The following LANCL3 variants were observed in gnomAD, a reference collection of about 807,000 sequenced individuals.
The protein encoded by LANCL3 is LanC like family member 3.
Under a neutral mutation model 26.5 loss-of-function variants are expected in LANCL3, and 19 were observed. The ratio of observed to expected loss-of-function variants is 0.72; its 90% CI spans 0.50 to 1.05. The LOEUF is 1.05. Ranked by LOEUF, LANCL3 falls within the 50% of genes least tolerant of loss-of-function variation. LANCL3 has a pLI of 0.00. For synonymous variants in LANCL3, 160 were observed against 166.6 expected, an observed-to-expected ratio of 0.96 and a Z score of 0.30; for missense variants, 318 against 362.7, an observed-to-expected ratio of 0.88 and a Z score of 1.00.
intron 1 of LANCL3, among the ~76,000 whole-genome samples, chrX:37,602,867 T>C (rs1226634385): frequency 1.8e-5 from 2 of 112,030 alleles, no homozygotes; most frequent in Non-Finnish European, 3.8e-5. Context: ...GGTGATTGCC[T>C]TGTTTAATCC....
At chrX:37,609,953 A>G (rs1278605172) in intron 1 of LANCL3, among the ~76,000 whole-genome samples, 4 of 112,449 alleles carry the variant, frequency 3.6e-5, no homozygotes, top group Non-Finnish European at 5.6e-5. Flanking sequence ...TGGGAAACCA[A>G]GAGGTATCAG....
intron 2 of LANCL3, among the ~76,000 whole-genome samples, chrX:37,658,295 G>A (rs914277816): frequency 8.9e-6 from 1 of 112,040 alleles, no homozygotes; most frequent in Admixed American, 9.5e-5. Flanking sequence ...ATGATTTATT[G>A]TAAGGAATTG....
rs1208927679 is a variant in LANCL3 at position 37,680,905 on chromosome X, C to T, written c.*5092C>T. On this transcript the variant is annotated 3_prime_UTR_variant, in exon 5 of 5. Coordinates refer to ENST00000378619, the MANE Select transcript of LANCL3 (RefSeq NM_001170331.2). ...AGACTGACTTAAGGAGAGTCAATAT[C>T]GCATATGAATCAAAAGCCAACATTT... 6.3e-5 allele frequency: 7 copies of T among 111,403 alleles called. No individual in the cohort carries two copies. Among genetic ancestry groups the T allele is most frequent in the African/African-American group, 1.6e-4 (5 of 30,635 alleles). The allele number at this position is 111,403 out of a possible 1,213,427, so 9.2% of individuals were successfully genotyped here. A position where few individuals can be genotyped will look rare whatever the true frequency, so the allele number is the denominator to read the frequency against.
rs1556434238 is a variant in LANCL3, at chrX:37,667,267, T to C, written c.896-15T>C. The stretch of plus-strand genomic sequence containing the variant: ...GTCCTGAAAGTCACCTCTAATATCT[T>C]TGATGTTTTCACAGGAATTGCCTAT... On this transcript the variant is annotated splice_polypyrimidine_tract_variant and intron_variant, in intron 3 of 4. Coordinates refer to ENST00000378619, the MANE Select transcript of LANCL3 (RefSeq NM_001170331.2). The C allele has an allele frequency of 9.4e-7, 1 of 1,065,245 alleles. No individual in the cohort carries two copies. The highest frequency in any genetic ancestry group is 1.9e-5 in the African/African-American group (1 of 51,524). 87.8% of individuals were successfully genotyped at this position (1,065,245 alleles called of 1,213,427 possible).
At chrX:37,581,161 A>G (rs1185543279) in intron 1 of LANCL3, among the ~76,000 whole-genome samples, 1 of 111,859 alleles carries the variant, frequency 8.9e-6, no homozygotes, top group Non-Finnish European at 1.9e-5. Context: ...CCCCAATTTT[A>G]TGGGGTTGCC....
intron 1 of LANCL3, among the ~76,000 whole-genome samples, chrX:37,629,530 A>G (rs1290984503): frequency 1.9e-5 from 2 of 104,124 alleles, no homozygotes; most frequent in African/African-American, 7.3e-5. Flanking sequence ...GCCCATGCCT[A>G]TGTCCTGAAT....
intron 1 of LANCL3, among the ~76,000 whole-genome samples, chrX:37,594,201 G>C (rs1199692275): frequency 8.9e-6 from 1 of 111,859 alleles, no homozygotes; most frequent in African/African-American, 3.2e-5. Context: ...TTTCATGGCA[G>C]TGACTCTAAG....
intron 1 of LANCL3, among the ~76,000 whole-genome samples, chrX:37,604,447 C>T (rs926925105): frequency 3.6e-5 from 4 of 112,113 alleles, no homozygotes; most frequent in Admixed American, 9.5e-5. Context: ...GCGTAACAAA[C>T]GACCTCAAAA....
At chrX:37,572,585 C>G in intron 1 of LANCL3, 142 bp downstream of exon 1, 2 of 489,975 alleles carry the variant, frequency 4.1e-6, no homozygotes, top group Non-Finnish European at 6.8e-6. Context: ...TTTCTTCAGT[C>G]CCTTGAGGTC....
chrX:37,652,080 T>C (rs1468758059), intron 1 of LANCL3, among the ~76,000 whole-genome samples: 2 of 110,351 alleles, frequency 1.8e-5, no homozygotes, highest in East Asian at 5.6e-4. Flanking sequence ...GGAATTTGAT[T>C]GGCATTGTAT....
rs781972201 is a variant in LANCL3 at position 37,667,409 on chromosome X, T to C, written c.1023T>C (p.His341=). ...GLLKKGPGIC[H]GVAGSAYVFL... The stretch of plus-strand genomic sequence containing the variant: ...TAAAGAAGGGGCCTGGGATTTGCCA[T>C]GGAGTAGCCGGCAGTGCCTATGTCT... Residue 341 remains histidine, a synonymous_variant, in exon 4 of 5, where the codon CAT becomes CAC. Transcript: ENST00000378619. 8.3e-7 allele frequency: 1 copy of C among 1,202,371 alleles called. No individual in the cohort carries two copies. The highest frequency in any genetic ancestry group is 1.1e-6 in the Non-Finnish European group (1 of 891,385).
chrX:37,622,764 A>T (rs1298962896), intron 1 of LANCL3, among the ~76,000 whole-genome samples: 1 of 111,678 alleles, frequency 9.0e-6, no homozygotes. Context: ...CCCCACCTGG[A>T]TGTTCTTACT....
intron 3 of LANCL3, among the ~76,000 whole-genome samples, chrX:37,665,499 C>T (rs1285483177): frequency 8.9e-6 from 1 of 112,343 alleles, no homozygotes. Context: ...TTCCACCTTT[C>T]TGATTCTGCT....
At chrX:37,599,017 T>G (rs1556419765) in intron 1 of LANCL3, among the ~76,000 whole-genome samples, 1 of 112,253 alleles carries the variant, frequency 8.9e-6, no homozygotes, top group Non-Finnish European at 1.9e-5. Context: ...ATTGATAAAA[T>G]TATGTAGTTT....
intron 1 of LANCL3, among the ~76,000 whole-genome samples, chrX:37,625,919 A>G (rs959899180): frequency 1.8e-5 from 2 of 111,549 alleles, no homozygotes; most frequent in Non-Finnish European, 3.8e-5. Context: ...TTCAGGCTGT[A>G]TGCAGGGTTC....
chrX:37,672,337 A>G (rs1556436422), intron 4 of LANCL3, among the ~76,000 whole-genome samples: 2 of 111,737 alleles, frequency 1.8e-5, no homozygotes, highest in African/African-American at 3.3e-5. Context: ...CAGGTAGAAG[A>G]CTGGAAATGT....
chrX:37,594,494 G>A (rs1399298037), intron 1 of LANCL3, among the ~76,000 whole-genome samples: 1 of 111,799 alleles, frequency 8.9e-6, no homozygotes, highest in African/African-American at 3.2e-5. Flanking sequence ...CAACCAGTGG[G>A]GAATCTAACA....
chrX:37,661,539 C>T (rs1926423273), intron 3 of LANCL3, among the ~76,000 whole-genome samples: 1 of 110,507 alleles, frequency 9.0e-6, no homozygotes, highest in African/African-American at 3.3e-5. Context: ...AACCCCTATC[C>T]CCACCTCAAG....
intron 1 of LANCL3, among the ~76,000 whole-genome samples, chrX:37,642,862 T>G (rs919190091): frequency 2.7e-5 from 3 of 112,475 alleles, no homozygotes; most frequent in Non-Finnish European, 3.8e-5. Flanking sequence ...TAAGCCACTA[T>G]GAATTCAGAA....
Sources: allele counts gnomAD v4.1 joint callset (sites outside exome capture counted in the v4.1 genomes callset), GRCh38; gene constraint gnomAD v4.1.1; transcripts MANE v1.5; gene names NCBI Gene and HGNC (gene_info 2026-07-23, HGNC 2026-07-21).